SRD5A1: variants seen among roughly 807,000 people sequenced by gnomAD.
SRD5A1 encodes the protein steroid 5 alpha-reductase 1, also known as 3-oxo-5-alpha-steroid 4-dehydrogenase 1.
A neutral mutation model predicts 28.2 loss-of-function variants in SRD5A1; 22 were observed. That is an observed-to-expected ratio of 0.78 (90% CI 0.56 to 1.12). The LOEUF (loss-of-function observed/expected upper bound fraction) is 1.12, where lower values mean the gene tolerates loss of function less well. Ranked by LOEUF, SRD5A1 falls within the 50% of genes most tolerant of loss-of-function variation. The pLI is 0.00. For synonymous variants in SRD5A1, 151 were observed against 135.0 expected, an observed-to-expected ratio of 1.12 and a Z score of -0.82; for missense variants, 300 against 346.7, an observed-to-expected ratio of 0.87 and a Z score of 1.07.
rs775924791 is a variant in SRD5A1, at chr5:6,662,833, G to A, written c.580G>A (p.Val194Ile). 1.5e-5 allele frequency: 24 copies of A among 1,612,420 alleles called. No homozygotes were observed. The highest frequency in any genetic ancestry group is 3.3e-5 in the Admixed American group (2 of 60,026). The change falls in exon 4 of 5, where the codon GTA becomes ATA. Residue 194 changes from valine (V) to isoleucine (I), a missense_variant. Physicochemically the swap from Val to Ile is conservative, Grantham distance 29. This residue lies in a region of SRD5A1 where 126 missense variants were observed against 185.7 expected (regional missense o/e 0.68). Coordinates refer to ENST00000274192, the MANE Select transcript of SRD5A1 (RefSeq NM_001047.4). ...KIPRGGLFEYVTAANYFGEIM... is the reference protein window; with the variant it reads ...KIPRGGLFEYITAANYFGEIM... Reference sequence around the variant, plus strand: ...TCTTCTAGGAGGCTTATTTGAATACGTAACTGCAGCCAACTATTTTGGAGA... The same window carrying A: ...TCTTCTAGGAGGCTTATTTGAATACATAACTGCAGCCAACTATTTTGGAGA...
intron 1 of SRD5A1, among the ~76,000 whole-genome samples, chr5:6,647,399 G>T (rs1336614606): frequency 2.0e-5 from 3 of 152,136 alleles, no homozygotes; most frequent in Non-Finnish European, 2.9e-5. Context: ...CACTATTATT[G>T]TGTGGGAGTC....
chr5:6,644,730 C>T, intron 1 of SRD5A1: 1 of 369,938 alleles, frequency 2.7e-6, no homozygotes, highest in Non-Finnish European at 5.3e-6. Context: ...AGATTGCCTC[C>T]TGTTTTTAAG....
intron 1 of SRD5A1, among the ~76,000 whole-genome samples, chr5:6,645,473 C>G (rs1333931274): frequency 6.6e-6 from 1 of 152,038 alleles, no homozygotes; most frequent in Admixed American, 6.6e-5. Context: ...AACCCCGTCT[C>G]TACTAAAAAT....
At chr5:6,637,555 C>A (rs986962859) in intron 1 of SRD5A1, among the ~76,000 whole-genome samples, 25 of 152,208 alleles carry the variant, frequency 1.6e-4, no homozygotes, top group Admixed American at 1.2e-3. Flanking sequence ...CAGCTTTGTT[C>A]AGTATTCCCT....
intron 3 of SRD5A1, among the ~76,000 whole-genome samples, chr5:6,658,436 A>G (rs550497470): frequency 1.8e-4 from 28 of 152,370 alleles, no homozygotes; most frequent in African/African-American, 6.7e-4. Flanking sequence ...CTGTCGCAGT[A>G]AAGGGAGACC....
In SRD5A1 at chr5:6,662,873, G is replaced by A. The variant is rs765124142; in HGVS notation, c.620G>A (p.Cys207Tyr). ...ANYFGEIMEW[C>Y]GYALASWSVQ... ...TATTTTGGAGAAATCATGGAGTGGT[G>A]TGGCTATGCCCTGGCCAGCTGGTCT... The change falls in exon 4 of 5, where the codon TGT (cysteine) becomes TAT (tyrosine). Residue 207 changes from cysteine to tyrosine, a missense_variant. Transcript: ENST00000274192. The A allele has an allele frequency of 1.3e-5, 21 of 1,613,150 alleles. No individual in the cohort carries two copies. Among genetic ancestry groups the A allele is most frequent in the Non-Finnish European group, 1.7e-5 (20 of 1,180,054 alleles).
intron 1 of SRD5A1, chr5:6,644,997 A>G (rs940078233): frequency 1.1e-5 from 5 of 455,862 alleles, no homozygotes; most frequent in African/African-American, 2.0e-5. Flanking sequence ...ATGACACAAC[A>G]TCTGAATGCA....
At chr5:6,646,809 C>T (rs1738523462) in intron 1 of SRD5A1, among the ~76,000 whole-genome samples, 1 of 152,042 alleles carries the variant, frequency 6.6e-6, no homozygotes, top group Non-Finnish European at 1.5e-5. Context: ...TATTTCTTAT[C>T]TTCTGTTAGC....
rs1385138799 is a variant in SRD5A1, at chr5:6,671,350, ATTGT to A, written c.*3089_*3092del. 9 of 151,090 alleles carry A rather than the reference ATTGT, an allele frequency of 6.0e-5. No individual in the cohort carries two copies. Among genetic ancestry groups the A allele is most frequent in the African/African-American group, 1.9e-4 (8 of 41,058 alleles). The allele number at this position is 151,090 out of a possible 1,614,324, so 9.4% of individuals were successfully genotyped here. On this transcript the variant is annotated 3_prime_UTR_variant, in exon 5 of 5. Transcript: ENST00000274192. ...TGTCCTTAACCCACTTTTTGATGGG[ATTGT>A]TTGTTTTTTTCTTACTGATTTGTTT...
At chr5:6,666,570 A>G (rs1228290325) in intron 4 of SRD5A1, among the ~76,000 whole-genome samples, 1 of 152,240 alleles carries the variant, frequency 6.6e-6, no homozygotes, top group African/African-American at 2.4e-5. Flanking sequence ...GAAACAGTCA[A>G]CTGTGCTGGG....
In SRD5A1 at chr5:6,668,197, CT is replaced by C; in HGVS notation, c.714-3del. 1 of 1,540,130 alleles carries C rather than the reference CT, an allele frequency of 6.5e-7. No individual in the cohort carries two copies. Among genetic ancestry groups the C allele is most frequent in the Non-Finnish European group, 8.8e-7 (1 of 1,138,662 alleles). On this transcript the variant is annotated splice_polypyrimidine_tract_variant and splice_region_variant and intron_variant, in intron 4 of 4. Coordinates refer to ENST00000274192, the MANE Select transcript of SRD5A1 (RefSeq NM_001047.4). ...TTATTTCCTTTTTTAATTTTTTTTT[CT>C]TAGGTGGTACCTCCGGAAATTTGAA...
chr5:6,651,785 A>G, intron 1 of SRD5A1, 57 bp from the exon 2 acceptor site: 1 of 1,487,416 alleles, frequency 6.7e-7, no homozygotes. Context: ...AGATAGGATT[A>G]CAGAAATGAT....
intron 1 of SRD5A1, among the ~76,000 whole-genome samples, chr5:6,646,065 A>C (rs995796907): frequency 6.6e-6 from 1 of 151,458 alleles, no homozygotes; most frequent in African/African-American, 2.4e-5. Context: ...TCATTGTTCA[A>C]CTCCCACTTA....
At chr5:6,658,689 A>AG (rs1462505626) in intron 3 of SRD5A1, among the ~76,000 whole-genome samples, 1 of 152,186 alleles carries the variant, frequency 6.6e-6, no homozygotes, top group Non-Finnish European at 1.5e-5. Context: ...CTCCTCTCCA[A>AG]GTACTAACCA....
intron 1 of SRD5A1, among the ~76,000 whole-genome samples, chr5:6,637,681 A>G (rs1403730144): frequency 1.3e-5 from 2 of 152,226 alleles, no homozygotes; most frequent in African/African-American, 4.8e-5. Context: ...GAGCCTGAGC[A>G]GGAGGTGCCG....
chr5:6,656,842 A>T (rs986074657), intron 3 of SRD5A1, among the ~76,000 whole-genome samples: 3 of 152,202 alleles, frequency 2.0e-5, no homozygotes, highest in African/African-American at 7.2e-5. Flanking sequence ...GCCACGTTCC[A>T]CAGAGTAAGA....
intron 1 of SRD5A1, among the ~76,000 whole-genome samples, chr5:6,640,649 A>C (rs1738332209): frequency 1.3e-5 from 2 of 151,888 alleles, no homozygotes; most frequent in South Asian, 4.2e-4. Flanking sequence ...TTACCACCAC[A>C]CCAGGCCAAA....
chr5:6,654,580 G>A (rs934356189), intron 2 of SRD5A1, among the ~76,000 whole-genome samples: 24 of 152,104 alleles, frequency 1.6e-4, no homozygotes, highest in Non-Finnish European at 2.9e-4. Context: ...TTACAGGCTT[G>A]CGCCATCTTA....
chr5:6,662,488 A>G (rs1739036816), intron 3 of SRD5A1, among the ~76,000 whole-genome samples: 2 of 152,224 alleles, frequency 1.3e-5, no homozygotes, highest in African/African-American at 4.8e-5. Context: ...GGTTCTATCT[A>G]GGTCCATTTT....
Sources: allele counts gnomAD v4.1 joint callset (sites outside exome capture counted in the v4.1 genomes callset), GRCh38; gene constraint gnomAD v4.1.1; regional missense constraint gnomAD v4.1.1; transcripts MANE v1.5; gene names NCBI Gene and HGNC (gene_info 2026-07-23, HGNC 2026-07-21).